The following INPP4B variants were observed in gnomAD, a reference collection of about 807,000 sequenced individuals.
INPP4B encodes the protein inositol polyphosphate 4-phosphatase type II.
In INPP4B, 55 loss-of-function variants were observed where a neutral mutation model predicts 122.5. That is an observed-to-expected ratio of 0.45 (90% confidence interval 0.36 to 0.56). The LOEUF (loss-of-function observed/expected upper bound fraction) is 0.56. INPP4B is among the 20% of genes least tolerant of loss of function. INPP4B has a pLI of 0.00. For missense variants in INPP4B, 1,000 were observed against 1,097.7 expected (o/e 0.91, Z 1.26); for synonymous variants, 403 against 388.7 (o/e 1.04, Z -0.43).
At chr4:142,807,206 C>T (rs7670737) in intron 1 of INPP4B, among the ~76,000 whole-genome samples, 9,856 of 151,780 alleles carry the variant, frequency 0.065, 553 homozygotes, top group African/African-American at 0.15. Context: ...GTAAGGGAGG[C>T]GTGAAACATG....
intron 7 of INPP4B, among the ~76,000 whole-genome samples, chr4:142,385,385 C>A (rs72724546): frequency 0.18 from 27,740 of 150,292 alleles, 3,135 homozygotes; most frequent in African/African-American, 0.32. Flanking sequence ...AAAAAAAAAA[C>A]CACTCTTGAA....
At chr4:142,773,343 G>A (rs1165897068) in intron 1 of INPP4B, among the ~76,000 whole-genome samples, 1 of 152,092 alleles carries the variant, frequency 6.6e-6, no homozygotes, top group Non-Finnish European at 1.5e-5. Flanking sequence ...GCAAACCACT[G>A]CCAACAATTA....
At chr4:142,048,676 A>G (rs1331901132) in intron 25 of INPP4B, among the ~76,000 whole-genome samples, 1 of 152,102 alleles carries the variant, frequency 6.6e-6, no homozygotes, top group Non-Finnish European at 1.5e-5. Context: ...AGGGATGAGC[A>G]GATGAGGTGG....
At chr4:142,343,166 C>T (rs1455901009) in intron 7 of INPP4B, among the ~76,000 whole-genome samples, 1 of 152,040 alleles carries the variant, frequency 6.6e-6, no homozygotes, top group African/African-American at 2.4e-5. Context: ...GTGCTGTCAA[C>T]TCAAACATGC....
chr4:142,708,051 G>T (rs1399901521), intron 2 of INPP4B, among the ~76,000 whole-genome samples: 1 of 152,212 alleles, frequency 6.6e-6, no homozygotes, highest in African/African-American at 2.4e-5. Context: ...TTAGCAAAGA[G>T]GTTGGAGGCA....
At chr4:142,051,340 A>G (rs1443102485) in intron 25 of INPP4B, among the ~76,000 whole-genome samples, 1 of 151,980 alleles carries the variant, frequency 6.6e-6, no homozygotes, top group Non-Finnish European at 1.5e-5. Flanking sequence ...CCTATACAGT[A>G]TTCCGTAAGT....
intron 2 of INPP4B, among the ~76,000 whole-genome samples, chr4:142,706,040 C>A (rs778546895): frequency 6.6e-6 from 1 of 152,226 alleles, no homozygotes; most frequent in Non-Finnish European, 1.5e-5. Flanking sequence ...TGCCACACTC[C>A]CAGCCTCATC....
chr4:142,118,765 A>C lies in INPP4B; in HGVS notation c.2135+3363T>G, dbSNP rs541766700. On this transcript the variant is annotated intron_variant, in intron 21 of 25. Transcript: ENST00000262992. ...ACTTCATGACTAAAACACCAAAAGC[A>C]ATGGCAACAAAAGCCAAAATTGAGA... 7.7e-4 allele frequency among the ~76,000 whole-genome samples: 118 copies of C among 152,346 alleles called. 1 individual carries two copies. The highest frequency in any genetic ancestry group is 2.7e-3 in the African/African-American group (113 of 41,582).
intron 7 of INPP4B, among the ~76,000 whole-genome samples, chr4:142,338,767 T>A (rs1167343347): frequency 1.3e-5 from 2 of 152,200 alleles, no homozygotes; most frequent in African/African-American, 4.8e-5. Context: ...TTTTCACATA[T>A]TGGAATTGGT....
intron 14 of INPP4B, among the ~76,000 whole-genome samples, chr4:142,204,726 G>T (rs115864313): frequency 6.6e-6 from 1 of 152,170 alleles, no homozygotes; most frequent in African/African-American, 2.4e-5. Flanking sequence ...CCATGAGCAA[G>T]ATAGAGGACA....
At chr4:142,592,302 A>G (rs1737666661) in intron 2 of INPP4B, among the ~76,000 whole-genome samples, 1 of 152,222 alleles carries the variant, frequency 6.6e-6, no homozygotes, top group African/African-American at 2.4e-5. Context: ...TGGTTTCTCC[A>G]AAGGCTTCCT....
At chr4:142,426,979 A>C (rs1808229275) in intron 5 of INPP4B, 1 of 151,976 alleles carries the variant, frequency 6.6e-6, no homozygotes, top group Non-Finnish European at 1.5e-5. Context: ...ATAAATATGC[A>C]CACCCTTAAA....
intron 7 of INPP4B, among the ~76,000 whole-genome samples, chr4:142,349,687 A>G (rs1203239921): frequency 6.6e-6 from 1 of 152,064 alleles, no homozygotes; most frequent in Non-Finnish European, 1.5e-5. Context: ...AAATTTTGTG[A>G]AAAGGAAGAA....
intron 2 of INPP4B, among the ~76,000 whole-genome samples, chr4:142,545,753 ACACATG>A (rs1482485792): frequency 1.1e-5 from 1 of 89,280 alleles, no homozygotes; most frequent in African/African-American, 3.5e-5. Flanking sequence ...GTATATATAT[ACACATG>A]TATATGTGTG....
intron 2 of INPP4B, among the ~76,000 whole-genome samples, chr4:142,670,319 A>T (rs1756814090): frequency 6.6e-6 from 1 of 152,180 alleles, no homozygotes; most frequent in African/African-American, 2.4e-5. Context: ...TAAAATAAAG[A>T]TCCCAAAGAG....
chr4:142,817,890 G>C (rs1194149153), intron 1 of INPP4B, among the ~76,000 whole-genome samples: 2 of 152,086 alleles, frequency 1.3e-5, no homozygotes, highest in African/African-American at 2.4e-5. Context: ...AAAGACACCA[G>C]GAAATTGGGA....
At chr4:142,066,378 C>T (rs935924165) in intron 25 of INPP4B, among the ~76,000 whole-genome samples, 2 of 152,154 alleles carry the variant, frequency 1.3e-5, no homozygotes, top group African/African-American at 4.8e-5. Context: ...TATCCTTACA[C>T]TAGACAAGCG....
intron 7 of INPP4B, among the ~76,000 whole-genome samples, chr4:142,338,303 T>C (rs944043944): frequency 6.6e-6 from 1 of 152,230 alleles, no homozygotes. Flanking sequence ...TGGTGCCATC[T>C]AGGCTCACTG....
In INPP4B at chr4:142,302,478, C is replaced by T. The variant is rs139006966; in HGVS notation, c.503+2980G>A. On this transcript the variant is annotated intron_variant, in intron 9 of 25. Transcript: ENST00000262992. ...TAGAAATGTGTGGTTTCATACCCTG[C>T]CTTTCCCATTTAAGAGCATTATAAC... 4.8e-3 allele frequency among the ~76,000 whole-genome samples: 737 copies of T among 152,218 alleles called. 18 individuals are homozygous for T. Among genetic ancestry groups the T allele is most frequent in the Admixed American group, 0.041 (630 of 15,272 alleles).
Sources: gnomAD v4.1 joint callset for allele counts (sites outside exome capture counted in the v4.1 genomes callset) on GRCh38, gnomAD v4.1.1 for gene constraint, MANE v1.5 for transcripts, NCBI Gene and HGNC (gene_info 2026-07-23, HGNC 2026-07-21) for gene names.